The following ZNF44 variants were observed in gnomAD, a reference collection of about 807,000 sequenced individuals.
ZNF44 encodes zinc finger protein 44.
A neutral mutation model predicts 11.7 loss-of-function variants in ZNF44; 9 were observed. That is an observed-to-expected ratio of 0.77 (90% confidence interval 0.46 to 1.35). The LOEUF (loss-of-function observed/expected upper bound fraction) is 1.35. Ranked by LOEUF, ZNF44 falls within the 40% of genes most tolerant of loss-of-function variation. The probability of loss-of-function intolerance (pLI) is 0.00; values close to 1 mark genes in which losing one functional copy is unlikely to be tolerated. For synonymous variants in ZNF44, 224 were observed against 242.7 expected (o/e 0.92, Z 0.72); for missense variants, 696 against 743.1 (o/e 0.94, Z 0.74).
intron 2 of ZNF44, among the ~76,000 whole-genome samples, chr19:12,231,052 C>T (rs1296787889): frequency 6.6e-6 from 1 of 152,054 alleles, no homozygotes; most frequent in Non-Finnish European, 1.5e-5. Context: ...TGGATTTAGG[C>T]AGTTTTTGAT....
Position 12,257,382 on chromosome 19 carries a change from G to A in ZNF44, c.1913-7014C>T, listed in dbSNP as rs538477703. Among the ~76,000 whole-genome samples the A allele has an allele frequency of 7.2e-5, 11 of 152,252 alleles. No individual in the cohort carries two copies. In the East Asian group the frequency reaches 1.9e-3, roughly 27 times the overall value. ...AAGCCAAATTAGGCTGGGTGCGGTG[G>A]CTCACACCTATAATCCCAGCACTTT... On this transcript the variant is annotated intron_variant and NMD_transcript_variant, in intron 5 of 7. Coordinates refer to the ZNF44 transcript ENST00000393337.
intron 7 of ZNF44, chr19:12,248,704 T>C (rs1296041423): frequency 8.6e-7 from 1 of 1,168,410 alleles, no homozygotes; most frequent in Non-Finnish European, 1.1e-6. Context: ...AGCACATTAA[T>C]AGTTCATTTT....
downstream of ZNF44, among the ~76,000 whole-genome samples, chr19:12,243,548 T>C (rs908564958): frequency 5.9e-5 from 9 of 152,232 alleles, no homozygotes; most frequent in African/African-American, 1.9e-4. Flanking sequence ...ACATCACACT[T>C]TCTTTATTCA....
chr19:12,262,012 G>A (rs1276899307), intron 5 of ZNF44, among the ~76,000 whole-genome samples: 2 of 151,850 alleles, frequency 1.3e-5, no homozygotes, highest in African/African-American at 4.8e-5. Context: ...TTTAAATAAT[G>A]GGTATAAAAG....
intron 1 of ZNF44, among the ~76,000 whole-genome samples, chr19:12,290,699 C>CAAAT (rs201422087): frequency 0.17 from 25,647 of 149,792 alleles, 2,307 homozygotes; most frequent in East Asian, 0.24. Context: ...GACTCTACCT[C>CAAAT]AAATAAATAA....
At chr19:12,237,299 G>A (rs1464509058) in intron 1 of ZNF44, 1 of 152,652 alleles carries the variant, frequency 6.6e-6, no homozygotes, top group Non-Finnish European at 1.5e-5. Flanking sequence ...CCCGGCTGCT[G>A]GCCCAGCCCC....
chr19:12,292,871 T>TG lies in ZNF44; in HGVS notation c.3+1820_3+1821insC, dbSNP rs1968074038. On this transcript the variant is annotated intron_variant, in intron 1 of 3. Coordinates refer to ENST00000355684, the MANE Select transcript of ZNF44 (RefSeq NM_016264.4). ...AGAGGTTAGGTTTTTTTTTTTTTTT[T>TG]TTTTTTTTTGAGACAGAGTTTCCCT... Among the ~76,000 whole-genome samples the TG allele has an allele frequency of 2.3e-5, 3 of 128,224 alleles. No homozygotes were observed. The South Asian group carries it at 7.5e-4, about 32-fold the overall frequency. The allele number at this position is 128,224 out of a possible 152,430, so 84.1% of individuals were successfully genotyped here.
At chr19:12,234,279 G>T (rs980887820) in intron 2 of ZNF44, among the ~76,000 whole-genome samples, 2 of 152,104 alleles carry the variant, frequency 1.3e-5, no homozygotes, top group Admixed American at 1.3e-4. Flanking sequence ...TCCCTGTGAA[G>T]TATGTTATAA....
intron 1 of ZNF44, among the ~76,000 whole-genome samples, chr19:12,288,604 T>C (rs893450772): frequency 6.6e-6 from 1 of 150,890 alleles, no homozygotes; most frequent in African/African-American, 2.4e-5. Context: ...TAGCCAGGCA[T>C]AGTTGCACAC....
intron 5 of ZNF44, among the ~76,000 whole-genome samples, chr19:12,262,457 G>C (rs1917546574): frequency 6.6e-6 from 1 of 151,986 alleles, no homozygotes; most frequent in Admixed American, 6.6e-5. Context: ...TTTTAGTAGA[G>C]ACAGGGTTTC....
At chr19:12,236,609 C>A (rs189652248) in intron 1 of ZNF44, among the ~76,000 whole-genome samples, 2 of 152,310 alleles carry the variant, frequency 1.3e-5, no homozygotes, top group Non-Finnish European at 2.9e-5. Flanking sequence ...ATTTCACTGA[C>A]CTGTACTGAT....
upstream of ZNF44, among the ~76,000 whole-genome samples, chr19:12,238,557 G>C (rs1599488451): frequency 1.4e-5 from 2 of 147,962 alleles, no homozygotes; most frequent in Admixed American, 7.0e-5. Context: ...GAACCCGGGA[G>C]ACAGAGGTTG....
intron 1 of ZNF44, among the ~76,000 whole-genome samples, chr19:12,235,391 A>C (rs1916344733): frequency 6.6e-6 from 1 of 152,054 alleles, no homozygotes; most frequent in Admixed American, 6.6e-5. Flanking sequence ...ACAAAACAAA[A>C]CAAAAAAACC....
rs140031870 is a variant in ZNF44, at chr19:12,281,831, A to G, written c.4-5749T>C. On this transcript the variant is annotated intron_variant, in intron 1 of 3. Coordinates refer to ENST00000355684, the MANE Select transcript of ZNF44 (RefSeq NM_016264.4). ...AGACACTATCTACCAAAACTCACAAAAAGAGACCTAAGTAATATGAATAGG... is the reference window on the plus strand; with the variant it reads ...AGACACTATCTACCAAAACTCACAAGAAGAGACCTAAGTAATATGAATAGG... 3.3e-5 allele frequency among the ~76,000 whole-genome samples: 5 copies of G among 152,314 alleles called. No individual in the cohort carries two copies. In the East Asian group the frequency reaches 9.6e-4, roughly 29 times the overall value.
chr19:12,226,044 C>T (rs985282360), downstream of ZNF44: 3 of 152,142 alleles, frequency 2.0e-5, no homozygotes, highest in East Asian at 1.9e-4. Context: ...TGTGTGCTAT[C>T]GTTTTTGAAA....
At chr19:12,253,396 G>A (rs1461011047) in intron 5 of ZNF44, among the ~76,000 whole-genome samples, 1 of 151,604 alleles carries the variant, frequency 6.6e-6, no homozygotes, top group Non-Finnish European at 1.5e-5. Context: ...TGTCATGTTG[G>A]CCAGGCTGGT....
intron 5 of ZNF44, chr19:12,260,048 G>T (rs1037775290): frequency 6.4e-5 from 32 of 498,366 alleles, no homozygotes; most frequent in Non-Finnish European, 9.7e-5. Flanking sequence ...CTTTACATTT[G>T]GGGCAACCCA....
Position 12,273,192 on chromosome 19 carries a change from G to T in ZNF44, c.1063C>A (p.His355Asn), listed in dbSNP as rs761745180. Residue 355 changes from histidine to asparagine, a missense_variant, in exon 4 of 4, where the codon CAT becomes AAT. By Grantham distance (68) the His-to-Asn change is moderately conservative (BLOSUM62 1). Coordinates refer to ENST00000355684, the MANE Select transcript of ZNF44 (RefSeq NM_016264.4). ...GFDFPGSARI[H>N]EGTHTLEKPY... ...TTCTCTAGAGTGTGAGTTCCTTCAT[G>T]AATTCGTGCTGAACCAGGAAAATCA... is the stretch of plus-strand genomic sequence containing the variant. The T allele has an allele frequency of 6.2e-7, 1 of 1,613,810 alleles. No individual in the cohort carries two copies. Among genetic ancestry groups the T allele is most frequent in the Non-Finnish European group, 8.5e-7 (1 of 1,179,904 alleles).
At chr19:12,268,145 G>GAGACACAC (rs1917801888), downstream of ZNF44, among the ~76,000 whole-genome samples, 2 of 136,750 alleles carry the variant, frequency 1.5e-5, no homozygotes, top group African/African-American at 5.6e-5. Flanking sequence ...CACACACACA[G>GAGACACAC]ACACACACAC....
Sources: allele counts gnomAD v4.1 joint callset (sites outside exome capture counted in the v4.1 genomes callset), GRCh38; gene constraint gnomAD v4.1.1; transcripts MANE v1.5; gene names NCBI Gene and HGNC (gene_info 2026-07-23, HGNC 2026-07-21).